The following DCK variants were observed in gnomAD, a reference collection of about 807,000 sequenced individuals.
The protein encoded by DCK is deoxycytidine kinase.
Under a neutral mutation model 38.3 loss-of-function variants are expected in DCK, and 23 were observed. The ratio of observed to expected loss-of-function variants is 0.60; its 90% CI spans 0.43 to 0.85. DCK has a LOEUF of 0.85. Among genes scored for constraint, DCK ranks in the 40% least tolerant of loss-of-function variants. DCK has a pLI of 0.00. For synonymous variants in DCK, 108 were observed against 100.6 expected, an observed-to-expected ratio of 1.07 and a Z score of -0.44; for missense variants, 259 against 304.4, an observed-to-expected ratio of 0.85 and a Z score of 1.11.
At chr4:71,013,822 C>T (rs933193411) in intron 2 of DCK, among the ~76,000 whole-genome samples, 1 of 152,122 alleles carries the variant, frequency 6.6e-6, no homozygotes, top group African/African-American at 2.4e-5. Flanking sequence ...ATTGTAAAGA[C>T]CATCGAGGCT....
chr4:70,998,232 A>C (rs1318758837), intron 2 of DCK, 50 bp downstream of exon 2: 19 of 845,768 alleles, frequency 2.2e-5, no homozygotes, highest in Non-Finnish European at 3.7e-5. Context: ...TTAGAGGAGC[A>C]GTAGTACTTA....
chr4:71,001,134 A>T (rs1426760291), intron 2 of DCK, among the ~76,000 whole-genome samples: 2 of 151,776 alleles, frequency 1.3e-5, no homozygotes, highest in African/African-American at 4.8e-5. Flanking sequence ...TTTGTCATAA[A>T]TAGCTCTTAT....
chr4:71,004,561 C>CCT (rs565975852), intron 2 of DCK, among the ~76,000 whole-genome samples: 66 of 152,306 alleles, frequency 4.3e-4, no homozygotes, highest in African/African-American at 1.5e-3. Flanking sequence ...GCACTCACAG[C>CCT]CACGCCTTCC....
chr4:71,029,899 C>T lies in DCK; in HGVS notation c.*521C>T, dbSNP rs1259684567. 1 of 152,966 alleles carries T rather than the reference C, an allele frequency of 6.5e-6. No individual in the cohort carries two copies. The highest frequency in any genetic ancestry group is 1.5e-5 in the Non-Finnish European group (1 of 68,328). The allele number at this position is 152,966 out of a possible 1,614,324, so 9.5% of individuals were successfully genotyped here. ...CTGAAGTTTTATTTTAAATTATTAT[C>T]TTCTTAACAGTTTAGTCCCACCTCT... On this transcript the variant is annotated 3_prime_UTR_variant, in exon 7 of 7. Coordinates refer to ENST00000286648, the MANE Select transcript of DCK (RefSeq NM_000788.3).
chr4:71,011,173 C>A (rs1227766488), intron 2 of DCK, among the ~76,000 whole-genome samples: 3 of 150,162 alleles, frequency 2.0e-5, no homozygotes, highest in Non-Finnish European at 4.4e-5. Context: ...GAACTCCTGA[C>A]CTCAAGTGAT....
intron 2 of DCK, among the ~76,000 whole-genome samples, chr4:71,001,710 T>G (rs1470902858): frequency 6.6e-6 from 1 of 152,200 alleles, no homozygotes; most frequent in East Asian, 1.9e-4. Flanking sequence ...GGTTTAATCT[T>G]GGGAGGGCGT....
intron 2 of DCK, among the ~76,000 whole-genome samples, chr4:71,010,525 T>A (rs1740061669): frequency 6.6e-6 from 1 of 150,402 alleles, no homozygotes; most frequent in African/African-American, 2.4e-5. Flanking sequence ...TTTTGGAGGA[T>A]CACTATTATT....
intron 2 of DCK, among the ~76,000 whole-genome samples, chr4:71,000,350 C>T (rs1289001332): frequency 1.3e-5 from 2 of 152,108 alleles, no homozygotes; most frequent in Admixed American, 1.3e-4. Flanking sequence ...GGTATTATTT[C>T]TGAGGGCTCT....
chr4:70,998,043 C>A, intron 1 of DCK, 24 bp from the exon 2 acceptor site: 1 of 1,285,768 alleles, frequency 7.8e-7, no homozygotes, highest in South Asian at 1.4e-5. Flanking sequence ...TTTTCTTCCT[C>A]AATTTTATCT....
chr4:71,025,803 T>C lies in DCK; in HGVS notation c.550-13T>C, dbSNP rs1740534022. The C allele has an allele frequency of 4.4e-6, 7 of 1,582,968 alleles. No individual in the cohort carries two copies. The highest frequency in any genetic ancestry group is 1.4e-5 in the African/African-American group (1 of 73,218). ...CCTGCCTTTTTCTTCCATCTCTTAT[T>C]ACTTGCTTTTAGACATGCTTACATA... On this transcript the variant is annotated splice_polypyrimidine_tract_variant and intron_variant, in intron 4 of 6. Coordinates refer to ENST00000286648, the MANE Select transcript of DCK (RefSeq NM_000788.3).
chr4:71,013,438 A>G (rs1029967766), intron 2 of DCK, among the ~76,000 whole-genome samples: 4 of 152,144 alleles, frequency 2.6e-5, no homozygotes, highest in East Asian at 1.9e-4. Flanking sequence ...GAGAAGAGCA[A>G]CTCCAAGACA....
intron 1 of DCK, among the ~76,000 whole-genome samples, chr4:70,995,461 C>T (rs967768874): frequency 6.6e-6 from 1 of 152,258 alleles, no homozygotes; most frequent in Middle Eastern, 3.4e-3. Flanking sequence ...GTTGGTGTGC[C>T]TCCAGCTACT....
intron 2 of DCK, among the ~76,000 whole-genome samples, chr4:71,007,644 A>G (rs988221003): frequency 2.0e-5 from 3 of 152,186 alleles, no homozygotes; most frequent in African/African-American, 4.8e-5. Context: ...TACTTAATAC[A>G]TTTATGAAAT....
At chr4:71,012,840 T>G (rs1301407320) in intron 2 of DCK, among the ~76,000 whole-genome samples, 1 of 151,928 alleles carries the variant, frequency 6.6e-6, no homozygotes. Flanking sequence ...AAGCTGAAAA[T>G]TCTAAAAATC....
chr4:71,026,297 G>T (rs1364174584), intron 5 of DCK, among the ~76,000 whole-genome samples: 2 of 152,050 alleles, frequency 1.3e-5, no homozygotes, highest in African/African-American at 2.4e-5. Flanking sequence ...GTCAGATCTT[G>T]GCTCAAGTCC....
At chr4:71,007,711 T>G (rs541290574) in intron 2 of DCK, among the ~76,000 whole-genome samples, 1 of 152,118 alleles carries the variant, frequency 6.6e-6, no homozygotes, top group Non-Finnish European at 1.5e-5. Flanking sequence ...TTGAATTTTG[T>G]TTTTTAAAAA....
intron 5 of DCK, 102 bp downstream of exon 5, chr4:71,026,033 T>C (rs1740540132): frequency 3.7e-6 from 5 of 1,338,672 alleles, no homozygotes; most frequent in Non-Finnish European, 4.9e-6. Flanking sequence ...ATGTAAAATT[T>C]CCAGTCGTTT....
At chr4:71,019,329 G>C (rs879653988) in intron 2 of DCK, among the ~76,000 whole-genome samples, 4 of 152,156 alleles carry the variant, frequency 2.6e-5, no homozygotes, top group African/African-American at 9.7e-5. Context: ...GGGCAAGAGA[G>C]ATTATATTTA....
chr4:71,022,378 G>A lies in DCK; in HGVS notation c.219G>A (p.Met73Ile), dbSNP rs1312811871. Reference protein sequence around the residue: ...STQDEFEELTMSQKNGGNVLQ... With the variant: ...STQDEFEELTISQKNGGNVLQ... Reference sequence around the variant, plus strand: ...CACATTCAAAATAGGAACTTACAATGTCTCAGAAAAATGGTGGGAATGTTC... The same window carrying A: ...CACATTCAAAATAGGAACTTACAATATCTCAGAAAAATGGTGGGAATGTTC... Residue 73 changes from methionine (M) to isoleucine (I), a missense_variant, in exon 3 of 7, where the codon ATG (methionine) becomes ATA (isoleucine). Coordinates refer to ENST00000286648, the MANE Select transcript of DCK (RefSeq NM_000788.3). The A allele has an allele frequency of 6.6e-7, 1 of 1,518,436 alleles. No homozygotes were observed. Among genetic ancestry groups the A allele is most frequent in the Non-Finnish European group, 8.8e-7 (1 of 1,132,352 alleles). The allele number at this position is 1,518,436 out of a possible 1,614,324, so 94.1% of individuals were successfully genotyped here.
Sources: allele counts gnomAD v4.1 joint callset (sites outside exome capture counted in the v4.1 genomes callset), GRCh38; gene constraint gnomAD v4.1.1; transcripts MANE v1.5; gene names NCBI Gene and HGNC (gene_info 2026-07-23, HGNC 2026-07-21).